The following F8 variants were observed in gnomAD, a reference collection of about 807,000 sequenced individuals.
The protein encoded by F8 is antihemophilic factor.
Under a neutral mutation model 140.6 loss-of-function variants are expected in F8, and 12 were observed. That is an observed-to-expected ratio of 0.09 (90% CI 0.05 to 0.14). F8 has a LOEUF of 0.14. Among genes scored for constraint, F8 ranks in the 10% least tolerant of loss-of-function variants. The pLI is 1.00. For missense variants in F8, 1,354 were observed against 1,720.7 expected, an observed-to-expected ratio of 0.79 and a Z score of 3.77; for synonymous variants, 585 against 614.6, an observed-to-expected ratio of 0.95 and a Z score of 0.71.
intron 13 of F8, among the ~76,000 whole-genome samples, chrX:154,947,211 C>A (rs1343026949): frequency 3.9e-5 from 3 of 77,840 alleles, no homozygotes; most frequent in Non-Finnish European, 6.8e-5. Context: ...GGCTACAGAG[C>A]GAGACTCCGT....
intron 22 of F8, among the ~76,000 whole-genome samples, chrX:154,879,985 T>G (rs958384983): frequency 2.7e-5 from 3 of 112,006 alleles, no homozygotes; most frequent in African/African-American, 9.8e-5. Flanking sequence ...TTAAACCTCT[T>G]TTCTTCATAA....
intron 6 of F8, among the ~76,000 whole-genome samples, chrX:154,970,090 A>G (rs1414655996): frequency 6.2e-5 from 7 of 112,579 alleles, no homozygotes; most frequent in African/African-American, 2.3e-4. Flanking sequence ...CCTTGTTACC[A>G]TTCTCATCTC....
At chrX:154,925,801 T>TTA (rs2073157206) in intron 14 of F8, among the ~76,000 whole-genome samples, 1 of 112,646 alleles carries the variant, frequency 8.9e-6, no homozygotes, top group South Asian at 3.7e-4. Context: ...TTGCCTTGTC[T>TTA]TAGATGAGAC....
At chrX:154,927,132 A>G (rs2073165355) in intron 14 of F8, among the ~76,000 whole-genome samples, 1 of 111,919 alleles carries the variant, frequency 8.9e-6, no homozygotes, top group Admixed American at 9.5e-5. Context: ...AGTAATCAGT[A>G]ATGTAAAGAT....
intron 14 of F8, among the ~76,000 whole-genome samples, chrX:154,910,710 G>C (rs1282445538): frequency 1.8e-5 from 2 of 111,842 alleles, no homozygotes; most frequent in African/African-American, 6.5e-5. Flanking sequence ...ATATGGCCTC[G>C]TGGGAAGGGA....
chrX:154,930,942 C>A lies in F8; in HGVS notation c.2848G>T (p.Glu950Ter). The A allele has an allele frequency of 8.4e-7, 1 of 1,194,975 alleles. No individual in the cohort carries two copies. The highest frequency in any genetic ancestry group is 1.1e-6 in the Non-Finnish European group (1 of 888,348). Reference sequence around the variant, plus strand: ...CTCAAGCTCAGAGGTCCACCAGACTCAGTAAGGGGAGATGACTTTTTGCCA... The same window carrying A: ...CTCAAGCTCAGAGGTCCACCAGACTAAGTAAGGGGAGATGACTTTTTGCCA... ...LFGKKSSPLTESGGPLSLSEE... is the reference protein window; with the variant it reads ...LFGKKSSPLT Residue 950 changes from glutamate to a stop codon, truncating the protein, a stop_gained, in exon 14 of 26, where the codon GAG becomes TAG. Transcript: ENST00000360256. LOFTEE classifies it high-confidence loss of function.
At chrX:154,984,530 A>G (rs1557284026) in intron 6 of F8, among the ~76,000 whole-genome samples, 157 bp downstream of exon 6, 4 of 111,489 alleles carry the variant, frequency 3.6e-5, no homozygotes, top group African/African-American at 1.3e-4. Context: ...CAAAAGAGGA[A>G]TTGCCTACTA....
At chrX:154,906,338 CAAAAGTGGG>C in intron 15 of F8, 73 bp downstream of exon 15, 2 of 932,209 alleles carry the variant, frequency 2.1e-6, no homozygotes, top group African/African-American at 4.0e-5. Flanking sequence ...TAAAAATTTC[CAAAAGTGGG>C]AATACATTAT....
chrX:154,953,811 A>G, intron 12 of F8, 81 bp downstream of exon 12: 1 of 1,085,975 alleles, frequency 9.2e-7, no homozygotes, highest in Non-Finnish European at 1.3e-6. Context: ...CATACAATTC[A>G]TTCATTATCT....
chrX:154,846,069 G>A (rs1452975613), intron 25 of F8, among the ~76,000 whole-genome samples: 1 of 112,314 alleles, frequency 8.9e-6, no homozygotes, highest in African/African-American at 3.2e-5. Context: ...TCATTCAGGA[G>A]CAGGTTGTTC....
intron 6 of F8, among the ~76,000 whole-genome samples, chrX:154,970,209 T>G (rs1444364903): frequency 8.9e-6 from 1 of 112,244 alleles, no homozygotes; most frequent in Non-Finnish European, 1.9e-5. Context: ...AAGTTTTAAT[T>G]CATTCATTCC....
intron 9 of F8, among the ~76,000 whole-genome samples, chrX:154,964,056 C>T (rs1180868821): frequency 9.0e-6 from 1 of 111,133 alleles, no homozygotes; most frequent in Non-Finnish European, 1.9e-5. Flanking sequence ...GACCAATTTA[C>T]ACTGCTCTTG....
intron 25 of F8, among the ~76,000 whole-genome samples, chrX:154,848,134 C>T (rs1007673851): frequency 3.6e-5 from 4 of 112,540 alleles, no homozygotes; most frequent in Admixed American, 1.9e-4. Context: ...GCTGCCTGAT[C>T]GTTCCTCTGG....
At chrX:154,841,670 T>G (rs1557271356) in intron 25 of F8, among the ~76,000 whole-genome samples, 1 of 110,988 alleles carries the variant, frequency 9.0e-6, no homozygotes, top group Non-Finnish European at 1.9e-5. Context: ...TCCTTACATA[T>G]TTTCCTTCTT....
At chrX:154,861,279 A>G (rs1009096521) in intron 24 of F8, among the ~76,000 whole-genome samples, 9 of 111,451 alleles carry the variant, frequency 8.1e-5, no homozygotes, top group Non-Finnish European at 1.7e-4. Context: ...TCCACTTTCT[A>G]TTGGCTAGTC....
chrX:154,978,445 C>A (rs1347445128), intron 6 of F8, among the ~76,000 whole-genome samples: 1 of 111,583 alleles, frequency 9.0e-6, no homozygotes, highest in Non-Finnish European at 1.9e-5. Context: ...GGTATGTATA[C>A]CCTCAAGCAC....
At chrX:154,947,532 A>T (rs2073313017) in intron 13 of F8, among the ~76,000 whole-genome samples, 166 bp downstream of exon 13, 1 of 111,663 alleles carries the variant, frequency 9.0e-6, no homozygotes, top group Non-Finnish European at 1.9e-5. Flanking sequence ...ACTGTTTATT[A>T]GTTGCAAGGG....
At position 155,022,429 on chromosome X, in the gene F8, C is replaced by G. The variant is rs1557287578; in HGVS notation, c.124G>C (p.Glu42Gln). 1 of 1,208,462 alleles carries G rather than the reference C, an allele frequency of 8.3e-7. No homozygotes were observed. Among genetic ancestry groups the G allele is most frequent in the Non-Finnish European group, 1.1e-6 (1 of 894,977 alleles). ...SWDYMQSDLG[E>Q]LPVDARFPPR... The stretch of plus-strand genomic sequence containing the variant: ...CTTTACCTTGCGTCCACAGGCAGCT[C>G]ACCGAGATCACTTTGCATATAGTCC... The change falls in exon 1 of 26, where the codon GAG becomes CAG. Residue 42 changes from glutamate to glutamine, a missense_variant. Coordinates refer to ENST00000360256, the MANE Select transcript of F8 (RefSeq NM_000132.4).
At chrX:154,922,687 T>C (rs2073138745) in intron 14 of F8, among the ~76,000 whole-genome samples, 1 of 111,520 alleles carries the variant, frequency 9.0e-6, no homozygotes, top group Non-Finnish European at 1.9e-5. Context: ...TAATTTTAAG[T>C]AGAGAGAACA....
Sources: gnomAD v4.1 joint callset for allele counts (sites outside exome capture counted in the v4.1 genomes callset) on GRCh38, gnomAD v4.1.1 for gene constraint, MANE v1.5 for transcripts, NCBI Gene and HGNC (gene_info 2026-07-23, HGNC 2026-07-21) for gene names.